Variants in NUMA1 observed in about 807,000 individuals in gnomAD.
NUMA1 encodes the protein SP-H antigen.
In NUMA1, 62 loss-of-function variants were observed where a neutral mutation model predicts 237.1. The observed-to-expected ratio is 0.26, with a 90% CI of 0.21 to 0.32. NUMA1 has a LOEUF of 0.32. Ranked by LOEUF, NUMA1 falls within the 10% of genes least tolerant of loss-of-function variation. NUMA1 has a pLI of 1.00. For missense variants in NUMA1, 2,533 were observed against 2,666.5 expected, an observed-to-expected ratio of 0.95 and a Z score of 1.10; for synonymous variants, 1,028 against 1,066.1, an observed-to-expected ratio of 0.96 and a Z score of 0.70.
chr11:72,017,968 C>T (rs752906107), intron 12 of NUMA1, 141 bp from the exon 13 acceptor site: 1 of 1,082,536 alleles, frequency 9.2e-7, no homozygotes, highest in Non-Finnish European at 1.3e-6. Context: ...CATCACACCT[C>T]TAATTCAGAA....
intron 2 of NUMA1, among the ~76,000 whole-genome samples, chr11:72,039,154 T>G (rs1941381975): frequency 6.6e-6 from 1 of 152,200 alleles, no homozygotes; most frequent in Admixed American, 6.5e-5. Flanking sequence ...CTGTACCCTC[T>G]CTGGACCTTA....
Position 72,023,133 on chromosome 11 carries a change from G to A in NUMA1, c.223C>T (p.Pro75Ser). The change falls in exon 6 of 27, where the codon CCC becomes TCC. Residue 75 changes from proline (P) to serine (S), a missense_variant. Physicochemically the swap from Pro to Ser is moderately conservative, Grantham distance 74. This residue lies in a region of NUMA1 where 1,414 missense variants were observed against 1,508.1 expected (regional missense o/e 0.94). Transcript: ENST00000393695. ...CSFLQKNRKH[P>S]SSPECLVSAQ... ...GATACCAGGCATTCTGGGGAAGAGGGATGTTTTCGATTTTCTGCAATGACA... is the reference window on the plus strand; with the variant it reads ...GATACCAGGCATTCTGGGGAAGAGGAATGTTTTCGATTTTCTGCAATGACA... The A allele has an allele frequency of 6.2e-7, 1 of 1,613,278 alleles. No individual in the cohort carries two copies. Among genetic ancestry groups the A allele is most frequent in the Non-Finnish European group, 8.5e-7 (1 of 1,179,496 alleles).
chr11:72,035,581 T>C (rs912606987), intron 3 of NUMA1, among the ~76,000 whole-genome samples: 4 of 151,796 alleles, frequency 2.6e-5, no homozygotes, highest in African/African-American at 9.7e-5. Flanking sequence ...CTAATTTTTG[T>C]ATTTTTAGTA....
intron 2 of NUMA1, among the ~76,000 whole-genome samples, chr11:72,040,111 C>G (rs866910991): frequency 1.6e-4 from 25 of 152,322 alleles, no homozygotes; most frequent in Middle Eastern, 6.8e-3. Flanking sequence ...GGTAGACCGT[C>G]TGGTCCAAGT....
At chr11:72,011,732 T>C (rs1206472443) in intron 16 of NUMA1, among the ~76,000 whole-genome samples, 1 of 152,124 alleles carries the variant, frequency 6.6e-6, no homozygotes, top group African/African-American at 2.4e-5. Context: ...ATAGCCTCGA[T>C]GTCTCAGGCA....
chr11:72,059,828 T>C (rs1410430380), intron 2 of NUMA1, among the ~76,000 whole-genome samples: 1 of 152,158 alleles, frequency 6.6e-6, no homozygotes, highest in African/African-American at 2.4e-5. Flanking sequence ...CAAATTACCA[T>C]CTAAAACTGT....
Position 72,009,347 on chromosome 11 carries a change from T to C in NUMA1, c.4760A>G (p.Gln1587Arg). Residue 1587 changes from glutamine to arginine, a missense_variant, in exon 18 of 27, where the codon CAG becomes CGG. Gln to Arg is a conservative substitution (Grantham distance 43). Coordinates refer to ENST00000393695, the MANE Select transcript of NUMA1 (RefSeq NM_006185.4). Reference protein sequence around the residue: ...AQGGESQQEAQRLQAQLNELQ... With the variant: ...AQGGESQQEARRLQAQLNELQ... ...TTCATTCAGCTGGGCCTGGAGGCGCTGGGCCTCCTGCTGGCTCTCGCCTCC... is the reference window on the plus strand; with the variant it reads ...TTCATTCAGCTGGGCCTGGAGGCGCCGGGCCTCCTGCTGGCTCTCGCCTCC... The C allele has an allele frequency of 1.2e-6, 2 of 1,612,550 alleles. No homozygotes were observed. Among genetic ancestry groups the C allele is most frequent in the African/African-American group, 1.3e-5 (1 of 75,000 alleles).
At chr11:72,054,678 C>A (rs1460277832) in intron 2 of NUMA1, among the ~76,000 whole-genome samples, 1 of 152,130 alleles carries the variant, frequency 6.6e-6, no homozygotes, top group East Asian at 1.9e-4. Context: ...CCACTCCAAG[C>A]CCAAAATCTA....
rs1326980653 is a variant in NUMA1, at chr11:72,013,380, C to A, written c.4123G>T (p.Ala1375Ser). ...HLCQQLQAEQ[A>S]AAEKRHREEL... is the part of the protein sequence containing the mutation. ...TCACGGTGGCGTTTCTCGGCAGCGGCCTGCTCGGCCTGCAGCTGCTGGCAG... is the reference window on the plus strand; with the variant it reads ...TCACGGTGGCGTTTCTCGGCAGCGGACTGCTCGGCCTGCAGCTGCTGGCAG... Residue 1375 changes from alanine to serine, a missense_variant, in exon 15 of 27, where the codon GCC becomes TCC. Ala to Ser is a moderately conservative substitution (Grantham distance 99). Coordinates refer to ENST00000393695, the MANE Select transcript of NUMA1 (RefSeq NM_006185.4). This position sits in a 1 kb window ranked among gnomAD's most constrained non-coding sequence, Gnocchi z 6.8. 5 of 1,611,236 alleles carry A rather than the reference C, an allele frequency of 3.1e-6. No individual in the cohort carries two copies. Among genetic ancestry groups the A allele is most frequent in the Non-Finnish European group, 4.2e-6 (5 of 1,179,870 alleles).
chr11:72,077,879 C>CCACTAACAG (rs1943791200), intron 1 of NUMA1, among the ~76,000 whole-genome samples: 1 of 150,328 alleles, frequency 6.7e-6, no homozygotes, highest in Non-Finnish European at 1.5e-5. Flanking sequence ...ACAGTGTTTA[C>CCACTAACAG]CACTAACAGA....
intron 20 of NUMA1, 114 bp from the exon 21 acceptor site, chr11:72,007,549 G>T: frequency 7.6e-7 from 1 of 1,315,606 alleles, no homozygotes; most frequent in Non-Finnish European, 1.0e-6. Context: ...AGGTCAAGCA[G>T]CCCATCTCTC....
At chr11:72,038,992 T>C (rs1941365607) in intron 2 of NUMA1, among the ~76,000 whole-genome samples, 1 of 152,184 alleles carries the variant, frequency 6.6e-6, no homozygotes, top group Non-Finnish European at 1.5e-5. Flanking sequence ...GTTATAAACT[T>C]AAGGCCCTGC....
At position 72,056,635 on chromosome 11, in the gene NUMA1, T is replaced by TTAAAAAAA. The variant is rs1281316084; in HGVS notation, c.-33+13206_-33+13207insTTTTTTTA. Among the ~76,000 whole-genome samples the TTAAAAAAA allele has an allele frequency of 3.6e-3, 271 of 75,880 alleles. 7 individuals are homozygous for TTAAAAAAA. The highest frequency in any genetic ancestry group is 0.017 in the African/African-American group (260 of 15,314). The allele number at this position is 75,880 out of a possible 152,430, so 49.8% of individuals were successfully genotyped here. A position where few individuals can be genotyped will look rare whatever the true frequency, so the allele number is the denominator to read the frequency against. ...GCGCCTGACCAAGATCCCATCTCTTTAAAAAAAAAAAAAAAAAAAAAAAAA... is the reference window on the plus strand; with the variant it reads ...GCGCCTGACCAAGATCCCATCTCTTTTAAAAAAAAAAAAAAAAAAAAAAAAAAAAAAAA... On this transcript the variant is annotated intron_variant, in intron 2 of 26. Transcript: ENST00000393695.
intron 2 of NUMA1, among the ~76,000 whole-genome samples, chr11:72,053,465 T>C (rs1196831076): frequency 6.6e-6 from 1 of 152,238 alleles, no homozygotes; most frequent in Non-Finnish European, 1.5e-5. Flanking sequence ...CCAAACTATA[T>C]ATTTTAAATG....
chr11:72,029,338 G>T, intron 3 of NUMA1, 48 bp from the exon 4 acceptor site: 3 of 954,174 alleles, frequency 3.1e-6, no homozygotes, highest in Non-Finnish European at 4.7e-6. Context: ...AAGCAACATG[G>T]TTTGCTCCTT....
intron 2 of NUMA1, among the ~76,000 whole-genome samples, chr11:72,055,108 A>C (rs1942566618): frequency 6.6e-6 from 1 of 152,186 alleles, no homozygotes; most frequent in South Asian, 2.1e-4. Flanking sequence ...AAAATGAGAC[A>C]GCAAAGGTGA....
intron 1 of NUMA1, among the ~76,000 whole-genome samples, chr11:72,074,901 G>A (rs551254750): frequency 9.9e-5 from 15 of 152,240 alleles, no homozygotes; most frequent in African/African-American, 3.6e-4. Context: ...GGTTGCAGTG[G>A]CACGTGCCTG....
Position 72,007,352 on chromosome 11 carries a change from A to T in NUMA1, c.5300T>A (p.Val1767Glu). The T allele has an allele frequency of 6.2e-7, 1 of 1,613,578 alleles. No homozygotes were observed. Among genetic ancestry groups the T allele is most frequent in the Non-Finnish European group, 8.5e-7 (1 of 1,179,828 alleles). Residue 1767 changes from valine to glutamate, a missense_variant, in exon 21 of 27, where the codon GTA becomes GAA. By Grantham distance (121) the Val-to-Glu change is moderately radical. Around this residue, in one of 3 missense-constraint regions of NUMA1, gnomAD observed 795 missense variants for 750.8 expected, o/e 1.06. Coordinates refer to ENST00000393695, the MANE Select transcript of NUMA1 (RefSeq NM_006185.4). ...SPISQRLPPKVESLESLYFTP... is the reference protein window; with the variant it reads ...SPISQRLPPKEESLESLYFTP... ...GAAGTAGAGACTCTCCAGGGATTCT[A>T]CCTTGGGGGGCAGGCGCTGGGAGAT...
rs762933959 is a variant in NUMA1 at position 72,005,272 on chromosome 11, G to A, written c.5790C>T (p.Cys1930=). 3.7e-6 allele frequency: 6 copies of A among 1,608,100 alleles called. No homozygotes were observed. The highest frequency in any genetic ancestry group is 1.3e-5 in the African/African-American group (1 of 74,590). ...GATAGCAGGTCTTCAGATGTGGGGG[G>A]CACACTCGATTGCGCTGCTGCAGCT... ...IAELQQRNRV[C]PPHLKTCYPL... Residue 1930 remains cysteine, a synonymous_variant, in exon 23 of 27, where the codon TGC becomes TGT. Coordinates refer to ENST00000393695, the MANE Select transcript of NUMA1 (RefSeq NM_006185.4).
Sources: gnomAD v4.1 joint callset for allele counts (sites outside exome capture counted in the v4.1 genomes callset) on GRCh38, gnomAD v4.1.1 for gene constraint, gnomAD v4.1.1 regional missense constraint, Gnocchi (gnomAD v3.1) non-coding constraint, MANE v1.5 for transcripts, NCBI Gene and HGNC (gene_info 2026-07-23, HGNC 2026-07-21) for gene names.